The following NPM1 variants were observed in gnomAD, a reference collection of about 807,000 sequenced individuals.
NPM1 encodes the protein nucleophosmin.
In NPM1, 1 loss-of-function variant was observed where a neutral mutation model predicts 44.1. That is an observed-to-expected ratio of 0.02 (90% CI 0.01 to 0.11). NPM1 has a LOEUF of 0.11. Ranked by LOEUF, NPM1 falls within the 10% of genes least tolerant of loss-of-function variation. The probability of loss-of-function intolerance (pLI) is 1.00; values close to 1 mark genes in which losing one functional copy is unlikely to be tolerated. For synonymous variants in NPM1, 126 were observed against 111.8 expected (o/e 1.13, Z -0.80); for missense variants, 197 against 347.8 (o/e 0.57, Z 3.45).
rs745499480 is a variant in NPM1 at position 171,393,011 on chromosome 5, C to T, written c.524+33C>T. Reference sequence around the variant, plus strand: ...TGATTTTAGAAACTTGATATACTTCCGGAATCTTGACAAAAAAAGGAATTT... The same window carrying T: ...TGATTTTAGAAACTTGATATACTTCTGGAATCTTGACAAAAAAAGGAATTT... On this transcript the variant is annotated intron_variant, in intron 6 of 10. Transcript: ENST00000296930. 250 of 1,593,996 alleles carry T rather than the reference C, an allele frequency of 1.6e-4. 1 individual carries two copies. Among genetic ancestry groups the T allele is most frequent in the East Asian group, 5.4e-4 (24 of 44,518 alleles).
At chr5:171,388,403 G>A (rs1770382281) in intron 1 of NPM1, among the ~76,000 whole-genome samples, 2 of 152,352 alleles carry the variant, frequency 1.3e-5, no homozygotes, top group South Asian at 4.1e-4. Flanking sequence ...CTGGAGGCTG[G>A]GTTCACCGGG....
intron 1 of NPM1, among the ~76,000 whole-genome samples, chr5:171,388,469 C>T (rs374247903): frequency 6.6e-6 from 1 of 152,130 alleles, no homozygotes; most frequent in Non-Finnish European, 1.5e-5. Flanking sequence ...TTATTCTGGC[C>T]TCAGAGCCTG....
intron 10 of NPM1, among the ~76,000 whole-genome samples, chr5:171,409,643 CCTG>C (rs551415233): frequency 8.5e-5 from 13 of 152,170 alleles, no homozygotes; most frequent in Admixed American, 2.0e-4. Flanking sequence ...CTGAGAGAAT[CCTG>C]AGTCATCTCA....
At chr5:171,409,981 A>T (rs767106519) in intron 10 of NPM1, among the ~76,000 whole-genome samples, 9 of 152,026 alleles carry the variant, frequency 5.9e-5, no homozygotes, top group Non-Finnish European at 1.2e-4. Context: ...CATTTTTAGT[A>T]GACAGGGTTT....
At chr5:171,402,918 C>A (rs889760678) in intron 8 of NPM1, among the ~76,000 whole-genome samples, 2 of 137,882 alleles carry the variant, frequency 1.5e-5, no homozygotes, top group Non-Finnish European at 3.1e-5. Context: ...AATTAAACCT[C>A]TTTTCTTCAT....
intron 6 of NPM1, among the ~76,000 whole-genome samples, chr5:171,393,548 A>G (rs1770707749): frequency 6.6e-6 from 1 of 152,220 alleles, no homozygotes; most frequent in Non-Finnish European, 1.5e-5. Context: ...TATTGTTACA[A>G]ACAGTTAATA....
At chr5:171,388,198 GTGAAGGGGGAGGAGACGAGCGGCC>G (rs1330689807) in intron 1 of NPM1, among the ~76,000 whole-genome samples, 192 bp downstream of exon 1, 3 of 152,018 alleles carry the variant, frequency 2.0e-5, no homozygotes, top group African/African-American at 7.2e-5. Context: ...AGCCGGTGGC[GTGAAGGGGGAGGAGACGAGCGGCC>G]TGAAGCGTCT....
At chr5:171,399,221 T>C (rs963485977) in intron 6 of NPM1, among the ~76,000 whole-genome samples, 2 of 152,018 alleles carry the variant, frequency 1.3e-5, no homozygotes, top group African/African-American at 4.8e-5. Flanking sequence ...CTTTCCAGAT[T>C]GCATTTGGCC....
chr5:171,387,849 C>A lies in NPM1; in HGVS notation c.-100C>A. On this transcript the variant is annotated 5_prime_UTR_variant, in exon 1 of 11. Transcript: ENST00000296930. ...TATATAAGCGCGGGGAGCCTGCGTC[C>A]TTTCCCTGGTGTGATTCCGTCCTGC... 8.7e-7 allele frequency: 1 copy of A among 1,146,284 alleles called. No individual in the cohort carries two copies. Among genetic ancestry groups the A allele is most frequent in the South Asian group, 1.3e-5 (1 of 78,702 alleles). 71.0% of individuals were successfully genotyped at this position (1,146,284 alleles called of 1,614,324 possible).
chr5:171,398,833 G>A (rs1423051366), intron 6 of NPM1, among the ~76,000 whole-genome samples: 2 of 152,164 alleles, frequency 1.3e-5, no homozygotes, highest in African/African-American at 4.8e-5. Flanking sequence ...TAACATGTAA[G>A]AACAGTACAA....
At chr5:171,404,202 C>T (rs1395799921) in intron 8 of NPM1, among the ~76,000 whole-genome samples, 2 of 104,774 alleles carry the variant, frequency 1.9e-5, no homozygotes, top group African/African-American at 7.5e-5. Flanking sequence ...CCACCTCCCT[C>T]CCAGATAGGG....
At chr5:171,391,195 A>G in intron 2 of NPM1, 110 bp from the exon 3 acceptor site, 1 of 1,250,580 alleles carries the variant, frequency 8.0e-7, no homozygotes, top group Non-Finnish European at 1.1e-6. Context: ...CACATTTCTC[A>G]GAACCTAGCC....
At chr5:171,399,043 G>C (rs1277613573) in intron 6 of NPM1, among the ~76,000 whole-genome samples, 1 of 152,058 alleles carries the variant, frequency 6.6e-6, no homozygotes, top group African/African-American at 2.4e-5. Flanking sequence ...TAGAGACTGG[G>C]TTTCCCCATT....
At chr5:171,390,417 A>G (rs1770512095) in intron 2 of NPM1, among the ~76,000 whole-genome samples, 1 of 152,184 alleles carries the variant, frequency 6.6e-6, no homozygotes, top group African/African-American at 2.4e-5. Flanking sequence ...TTTCATGTCT[A>G]CCAGAGACTA....
chr5:171,401,753 A>G (rs1482879166), intron 8 of NPM1, among the ~76,000 whole-genome samples: 2 of 152,144 alleles, frequency 1.3e-5, no homozygotes, highest in African/African-American at 2.4e-5. Context: ...TTGTGAAGTC[A>G]ATAGTTGTTT....
chr5:171,388,603 A>AGGGG (rs569901780), intron 1 of NPM1, among the ~76,000 whole-genome samples: 1 of 13,964 alleles, frequency 7.2e-5, no homozygotes. Flanking sequence ...TGGGGGAGGG[A>AGGGG]GGGGGGTGTG....
chr5:171,392,985 A>T lies in NPM1; in HGVS notation c.524+7A>T, dbSNP rs1193084676. On this transcript the variant is annotated splice_region_variant and intron_variant, in intron 6 of 10. Coordinates refer to ENST00000296930, the MANE Select transcript of NPM1 (RefSeq NM_002520.7). ...AAGAGGATGATGATGAAGAGTAAGT[A>T]TGATTTTAGAAACTTGATATACTTC... is the stretch of plus-strand genomic sequence containing the variant. The T allele has an allele frequency of 6.2e-7, 1 of 1,607,850 alleles. No homozygotes were observed.
chr5:171,398,189 T>C (rs1412820327), intron 6 of NPM1, among the ~76,000 whole-genome samples: 1 of 152,280 alleles, frequency 6.6e-6, no homozygotes, highest in South Asian at 2.1e-4. Context: ...TTCATGATGG[T>C]GGCCTTTGAA....
chr5:171,393,578 C>T (rs1770709430), intron 6 of NPM1, among the ~76,000 whole-genome samples: 1 of 152,118 alleles, frequency 6.6e-6, no homozygotes, highest in Non-Finnish European at 1.5e-5. Flanking sequence ...GTATAAAGTA[C>T]TGTTTATAAT....
Sources: allele counts gnomAD v4.1 joint callset (sites outside exome capture counted in the v4.1 genomes callset), GRCh38; gene constraint gnomAD v4.1.1; transcripts MANE v1.5; gene names NCBI Gene and HGNC (gene_info 2026-07-23, HGNC 2026-07-21).